The following SIL1 variants were observed in gnomAD, a reference collection of about 807,000 sequenced individuals.
SIL1 encodes nucleotide exchange factor SIL1.
A neutral mutation model predicts 49.1 loss-of-function variants in SIL1; 40 were observed. The observed-to-expected ratio is 0.81, with a 90% CI of 0.63 to 1.06. The LOEUF (loss-of-function observed/expected upper bound fraction) is 1.06. SIL1 is among the 50% of genes least tolerant of loss of function. The probability of loss-of-function intolerance (pLI) is 0.00; values close to 1 mark genes in which losing one functional copy is unlikely to be tolerated. For missense variants in SIL1, 500 were observed against 572.6 expected (o/e 0.87, Z 1.29); for synonymous variants, 253 against 250.8 (o/e 1.01, Z -0.08).
rs541234262 is a variant in SIL1, at chr5:138,972,993, C to A, written c.768-21109G>T. Among the ~76,000 whole-genome samples the A allele has an allele frequency of 1.6e-4, 25 of 152,138 alleles. 1 individual carries two copies. Among genetic ancestry groups the A allele is most frequent in the Middle Eastern group, 3.4e-3 (1 of 294 alleles). On this transcript the variant is annotated intron_variant, in intron 7 of 9. Transcript: ENST00000394817. ...GGGGTAGAGAAGCCCTTGTTCAGTC[C>A]CAGCATGGAGCTGAGGCTGGCCACA...
At chr5:139,184,444 G>A (rs1223223188) in intron 1 of SIL1, among the ~76,000 whole-genome samples, 3 of 152,084 alleles carry the variant, frequency 2.0e-5, no homozygotes, top group Admixed American at 2.0e-4. Flanking sequence ...AGGTCAAGGT[G>A]GAAGGATCGC....
chr5:139,185,512 T>C (rs1205816126), intron 1 of SIL1, among the ~76,000 whole-genome samples: 1 of 152,252 alleles, frequency 6.6e-6, no homozygotes. Context: ...AAAATTGGTT[T>C]TGTATACATT....
chr5:139,043,776 A>G (rs932367276), intron 4 of SIL1, among the ~76,000 whole-genome samples: 2 of 152,250 alleles, frequency 1.3e-5, no homozygotes, highest in Non-Finnish European at 2.9e-5. Flanking sequence ...TACCACTAGC[A>G]TTCATTTTAG....
intron 9 of SIL1, 51 bp downstream of exon 9, chr5:138,951,120 G>C: frequency 1.9e-6 from 3 of 1,591,612 alleles, no homozygotes; most frequent in Non-Finnish European, 2.6e-6. Context: ...CATCCACCCA[G>C]AAGCACACAC....
chr5:139,112,251 T>A (rs1220109396), intron 3 of SIL1, among the ~76,000 whole-genome samples: 1 of 152,216 alleles, frequency 6.6e-6, no homozygotes, highest in Non-Finnish European at 1.5e-5. Flanking sequence ...GATTGCAGCC[T>A]CTGCCCGGCC....
intron 5 of SIL1, among the ~76,000 whole-genome samples, chr5:139,030,786 T>C (rs1768772678): frequency 6.6e-6 from 1 of 152,126 alleles, no homozygotes; most frequent in South Asian, 2.1e-4. Context: ...GTGTGAGCCA[T>C]TGTGCCCGGC....
At chr5:139,162,012 C>CA (rs553500888) in intron 1 of SIL1, among the ~76,000 whole-genome samples, 459 of 130,636 alleles carry the variant, frequency 3.5e-3, no homozygotes, top group South Asian at 0.012. Flanking sequence ...GACTCTGTCT[C>CA]AAAAAAAAAA....
intron 7 of SIL1, chr5:139,014,185 T>C (rs1227730797): frequency 6.6e-6 from 1 of 151,916 alleles, no homozygotes; most frequent in Non-Finnish European, 1.5e-5. Context: ...CTGACCAACA[T>C]GGAGAAACCC....
intron 5 of SIL1, among the ~76,000 whole-genome samples, chr5:139,033,968 T>C (rs1178445931): frequency 1.3e-5 from 2 of 152,350 alleles, no homozygotes; most frequent in Admixed American, 6.5e-5. Flanking sequence ...CTTTTAGTTC[T>C]GTTAGTTTTT....
chr5:139,116,304 T>A (rs561084685), intron 3 of SIL1, among the ~76,000 whole-genome samples: 21 of 152,216 alleles, frequency 1.4e-4, no homozygotes, highest in Non-Finnish European at 2.5e-4. Context: ...GATTTGGAAT[T>A]TTTTTCTTTT....
intron 8 of SIL1, 152 bp from the exon 9 acceptor site, chr5:138,951,487 G>A: frequency 1.3e-6 from 1 of 792,700 alleles, no homozygotes; most frequent in Admixed American, 2.6e-5. Context: ...AGGACTGTGA[G>A]GCCAGGAGGG....
intron 7 of SIL1, among the ~76,000 whole-genome samples, chr5:139,015,019 G>A (rs994969748): frequency 4.6e-5 from 7 of 152,048 alleles, no homozygotes; most frequent in South Asian, 4.1e-4. Context: ...GTCAAGGTGC[G>A]GTATCTGAAT....
At position 139,121,059 on chromosome 5, in the gene SIL1, G is replaced by A; in HGVS notation, c.220C>T (p.His74Tyr). ...CCTGGCTGAAGGGCCTGCCACTCATGCGTCGGGTGGAACACCTCCAGGACT... is the reference window on the plus strand; with the variant it reads ...CCTGGCTGAAGGGCCTGCCACTCATACGTCGGGTGGAACACCTCCAGGACT... ...AEVLEVFHPT[H>Y]EWQALQPGQA... is the part of the protein sequence containing the mutation. The change falls in exon 3 of 10, where the codon CAT becomes TAT. Residue 74 changes from histidine to tyrosine, a missense_variant. By Grantham distance (83) the His-to-Tyr change is moderately conservative. Transcript: ENST00000394817. 1 of 1,614,178 alleles carries A rather than the reference G, an allele frequency of 6.2e-7. No individual in the cohort carries two copies. Among genetic ancestry groups the A allele is most frequent in the Non-Finnish European group, 8.5e-7 (1 of 1,180,050 alleles).
chr5:138,974,309 T>G (rs1767348526), intron 7 of SIL1, among the ~76,000 whole-genome samples: 2 of 152,148 alleles, frequency 1.3e-5, no homozygotes, highest in African/African-American at 2.4e-5. Context: ...TCTGAGGGCC[T>G]TCATTCTTCA....
At chr5:139,144,475 T>C (rs947006678) in intron 1 of SIL1, among the ~76,000 whole-genome samples, 1 of 152,250 alleles carries the variant, frequency 6.6e-6, no homozygotes, top group African/African-American at 2.4e-5. Flanking sequence ...ACCAATGGAA[T>C]AGAATTGTGA....
Position 139,026,487 on chromosome 5 carries a change from C to T in SIL1, c.645+314G>A, listed in dbSNP as rs1768652529. 2.0e-5 allele frequency among the ~76,000 whole-genome samples: 3 copies of T among 152,108 alleles called. No homozygotes were observed. In the South Asian group the frequency reaches 6.2e-4, roughly 32 times the overall value. The stretch of plus-strand genomic sequence containing the variant: ...GCGTGGTGGTGCACACCTGTAATCC[C>T]TGTTGCTCGGAAGGCTGAGGCAGGA... On this transcript the variant is annotated intron_variant, in intron 6 of 9. Coordinates refer to ENST00000394817, the MANE Select transcript of SIL1 (RefSeq NM_022464.5).
At chr5:139,077,753 C>G (rs979577634) in intron 3 of SIL1, among the ~76,000 whole-genome samples, 1 of 152,216 alleles carries the variant, frequency 6.6e-6, no homozygotes, top group African/African-American at 2.4e-5. Context: ...CAAAAAGACA[C>G]TTGATAACCC....
chr5:138,980,227 T>C (rs1256495183), intron 7 of SIL1, among the ~76,000 whole-genome samples: 3 of 152,016 alleles, frequency 2.0e-5, no homozygotes, highest in Non-Finnish European at 4.4e-5. Context: ...TCTTCTAGCC[T>C]TTGCCAAGAA....
intron 1 of SIL1, among the ~76,000 whole-genome samples, chr5:139,171,722 T>G (rs1169516579): frequency 2.7e-4 from 34 of 127,888 alleles, no homozygotes; most frequent in African/African-American, 3.8e-4. Flanking sequence ...AGAAAAAAAA[T>G]AAAAAAGAAA....
Sources: allele counts gnomAD v4.1 joint callset (sites outside exome capture counted in the v4.1 genomes callset), GRCh38; gene constraint gnomAD v4.1.1; transcripts MANE v1.5; gene names NCBI Gene and HGNC (gene_info 2026-07-23, HGNC 2026-07-21).